DMGDH: variants seen among roughly 807,000 people sequenced by gnomAD.
The protein encoded by DMGDH is dimethylglycine dehydrogenase.
Under a neutral mutation model 95.2 loss-of-function variants are expected in DMGDH, and 76 were observed. The observed-to-expected ratio is 0.80, with a 90% CI of 0.66 to 0.97. DMGDH has a LOEUF of 0.97. Ranked by LOEUF, DMGDH falls within the 50% of genes least tolerant of loss-of-function variation. The pLI is 0.00. For synonymous variants in DMGDH, 345 were observed against 377.6 expected, an observed-to-expected ratio of 0.91 and a Z score of 1.00; for missense variants, 987 against 1,055.0, an observed-to-expected ratio of 0.94 and a Z score of 0.89.
chr5:79,039,556 G>A (rs561667527), intron 7 of DMGDH, among the ~76,000 whole-genome samples: 1 of 152,274 alleles, frequency 6.6e-6, no homozygotes, highest in Non-Finnish European at 1.5e-5. Flanking sequence ...GGGGACTGTT[G>A]TGGGGTCAGG....
Position 79,030,926 on chromosome 5 carries a change from C to G in DMGDH, c.1590G>C (p.Ala530=). ...TGCCAAATGGTGATAGGTCAGTTAC[C>G]GCTACTCTTTGCATAACCTGTTTAT... ...SEYKQVMQRV[A]VTDLSPFGKF... is the part of the protein sequence containing the mutation. The change falls in exon 10 of 16, where the codon GCG becomes GCC. Residue 530 remains alanine, a synonymous_variant. Transcript: ENST00000255189. 1.9e-6 allele frequency: 3 copies of G among 1,614,074 alleles called. No homozygotes were observed. Among genetic ancestry groups the G allele is most frequent in the Non-Finnish European group, 2.5e-6 (3 of 1,179,992 alleles).
chr5:79,044,432 G>A lies in DMGDH; in HGVS notation c.866C>T (p.Pro289Leu), dbSNP rs1754608782. ...TGATCCTTCCAGGTCACGGAGCACA[G>A]GCAGTTCTCGTTTCAAAGCTTTCAC... ...SEVKALKREL[P>L]VLRDLEGSYY... The change falls in exon 6 of 16, where the codon CCT becomes CTT. Residue 289 changes from proline to leucine, a missense_variant. Physicochemically the swap from Pro to Leu is moderately conservative, Grantham distance 98. Coordinates refer to ENST00000255189, the MANE Select transcript of DMGDH (RefSeq NM_013391.3). 6.2e-7 allele frequency: 1 copy of A among 1,614,156 alleles called. No homozygotes were observed. Among genetic ancestry groups the A allele is most frequent in the South Asian group, 1.1e-5 (1 of 91,076 alleles).
intron 14 of DMGDH, among the ~76,000 whole-genome samples, chr5:79,008,917 G>C (rs1753593538): frequency 6.6e-6 from 1 of 152,038 alleles, no homozygotes; most frequent in Admixed American, 6.6e-5. Context: ...ACTTTAAGAT[G>C]GATATTTTAA....
At chr5:79,034,473 C>T (rs181807761) in intron 7 of DMGDH, among the ~76,000 whole-genome samples, 96 of 152,290 alleles carry the variant, frequency 6.3e-4, no homozygotes, top group Middle Eastern at 3.4e-3. Context: ...GTTCTACCCA[C>T]TCAGTCTTGT....
chr5:79,028,388 C>A, intron 12 of DMGDH, 45 bp downstream of exon 12: 1 of 1,508,156 alleles, frequency 6.6e-7, no homozygotes, highest in South Asian at 1.1e-5. Context: ...TTAAATTGAC[C>A]TTTTAAATTT....
chr5:78,998,241 A>G lies in DMGDH; in HGVS notation c.2442T>C (p.Ala814=). ...SYSYSIQKSL[A]FAYVPVQLSE... ...TTAGTTGTACAGGGACATATGCGAA[A>G]GCCAGACTCTTCTGGATGCTGTAGC... The change falls in exon 16 of 16, where the codon GCT becomes GCC. Residue 814 remains alanine, a synonymous_variant. Coordinates refer to ENST00000255189, the MANE Select transcript of DMGDH (RefSeq NM_013391.3). 1.2e-6 allele frequency: 2 copies of G among 1,614,226 alleles called. No homozygotes were observed. The highest frequency in any genetic ancestry group is 1.7e-6 in the Non-Finnish European group (2 of 1,180,030).
Position 79,005,282 on chromosome 5 carries a change from G to A in DMGDH, c.2376C>T (p.Tyr792=), listed in dbSNP as rs773391581. The A allele has an allele frequency of 6.2e-7, 1 of 1,613,628 alleles. No homozygotes were observed. The highest frequency in any genetic ancestry group is 8.5e-7 in the Non-Finnish European group (1 of 1,179,878). Residue 792 remains tyrosine, a synonymous_variant, in exon 15 of 16, where the codon TAC becomes TAT. Coordinates refer to ENST00000255189, the MANE Select transcript of DMGDH (RefSeq NM_013391.3). ...VDPEGNESIW[Y]NGKVVGNTTS... ...GGTCCTCAGCACTCACCTTGCCATT[G>A]TACCAGATGCTTTCATTTCCCTCTG...
At chr5:78,999,724 T>C (rs1235214238) in intron 15 of DMGDH, among the ~76,000 whole-genome samples, 1 of 152,204 alleles carries the variant, frequency 6.6e-6, no homozygotes, top group African/African-American at 2.4e-5. Flanking sequence ...TGTGAATACA[T>C]TCATTAGTAA....
chr5:79,042,357 C>T lies in DMGDH; in HGVS notation c.1119G>A (p.Thr373=), dbSNP rs533441057. ...DIINVVNGPI[T]YSPDILPMVG... The stretch of plus-strand genomic sequence containing the variant: ...CCATAGGCAGAATGTCAGGAGAATA[C>T]GTGATAGGACCATTGACAACATTGA... Residue 373 remains threonine (T), a synonymous_variant, in exon 7 of 16, where the codon ACG becomes ACA. Coordinates refer to ENST00000255189, the MANE Select transcript of DMGDH (RefSeq NM_013391.3). 22 of 1,614,204 alleles carry T rather than the reference C, an allele frequency of 1.4e-5. 1 individual carries two copies. Among genetic ancestry groups the T allele is most frequent in the South Asian group, 5.5e-5 (5 of 91,078 alleles).
At chr5:79,023,815 T>C (rs6862283) in intron 14 of DMGDH, among the ~76,000 whole-genome samples, 60,126 of 152,080 alleles carry the variant, frequency 0.4, 13,719 homozygotes, top group African/African-American at 0.64. Flanking sequence ...AGATGCTTGA[T>C]AAGCAGATGG....
intron 1 of DMGDH, among the ~76,000 whole-genome samples, chr5:79,065,089 A>G (rs973934446): frequency 1.3e-5 from 2 of 152,012 alleles, no homozygotes; most frequent in African/African-American, 4.8e-5. Flanking sequence ...AAACACACAC[A>G]TTAGCCTAGG....
chr5:79,044,348 T>G lies in DMGDH; in HGVS notation c.950A>C (p.Lys317Thr). The G allele has an allele frequency of 6.2e-7, 1 of 1,614,206 alleles. No individual in the cohort carries two copies. Among genetic ancestry groups the G allele is most frequent in the Non-Finnish European group, 8.5e-7 (1 of 1,180,026 alleles). Residue 317 changes from lysine to threonine, a missense_variant, in exon 6 of 16, where the codon AAA (lysine) becomes ACA (threonine). Coordinates refer to ENST00000255189, the MANE Select transcript of DMGDH (RefSeq NM_013391.3). Reference sequence around the variant, plus strand: ...GACCCAGGAGTCCTGAACTTTCATTTTCTCTTGACTTTCATATGGACCAAA... The same window carrying G: ...GACCCAGGAGTCCTGAACTTTCATTGTCTCTTGACTTTCATATGGACCAAA... ...LLFGPYESQEKMKVQDSWVTN... is the reference protein window; with the variant it reads ...LLFGPYESQETMKVQDSWVTN...
intron 2 of DMGDH, among the ~76,000 whole-genome samples, chr5:79,058,806 G>A (rs73132146): frequency 0.071 from 10,860 of 152,234 alleles, 864 homozygotes; most frequent in African/African-American, 0.18. Context: ...TAATAAGATA[G>A]AAGGAATGAT....
intron 14 of DMGDH, among the ~76,000 whole-genome samples, chr5:79,012,053 AAAAGTCC>A (rs1753656660): frequency 6.6e-6 from 1 of 152,204 alleles, no homozygotes; most frequent in Non-Finnish European, 1.5e-5. Context: ...CCATTAACTC[AAAAGTCC>A]AAAGTCCAAA....
chr5:79,049,477 T>G (rs1754772569), intron 5 of DMGDH, among the ~76,000 whole-genome samples: 2 of 152,218 alleles, frequency 1.3e-5, no homozygotes, highest in Non-Finnish European at 2.9e-5. Flanking sequence ...AGCGATTAAT[T>G]AGCAATGTCT....
intron 4 of DMGDH, among the ~76,000 whole-genome samples, chr5:79,052,238 C>G (rs75386704): frequency 0.072 from 11,015 of 152,142 alleles, 515 homozygotes; most frequent in Middle Eastern, 0.12. Flanking sequence ...ATTTTTGTAT[C>G]TATGTTCAAA....
chr5:79,033,133 C>T, intron 8 of DMGDH, 106 bp downstream of exon 8: 1 of 1,438,312 alleles, frequency 7.0e-7, no homozygotes. Flanking sequence ...TTTGGAGTCC[C>T]TAACTACCGC....
chr5:79,055,998 G>A, intron 2 of DMGDH, 90 bp from the exon 3 acceptor site: 1 of 883,512 alleles, frequency 1.1e-6, no homozygotes, highest in Non-Finnish European at 1.8e-6. Context: ...ATTTAATGCT[G>A]GAAAGAAACT....
At chr5:79,021,553 T>G in intron 14 of DMGDH, 1 of 1,290,542 alleles carries the variant, frequency 7.7e-7, no homozygotes, top group Non-Finnish European at 1.0e-6. Flanking sequence ...TCTTCAGTAC[T>G]CCATTGTTCT....
Sources: allele counts gnomAD v4.1 joint callset (sites outside exome capture counted in the v4.1 genomes callset), GRCh38; gene constraint gnomAD v4.1.1; transcripts MANE v1.5; gene names NCBI Gene and HGNC (gene_info 2026-07-23, HGNC 2026-07-21).